Variants in BABAM2 observed in about 807,000 individuals in gnomAD.
BABAM2 encodes BRISC and BRCA1 A complex member 2, also known as BRISC and BRCA1-A complex member 2.
BABAM2 carries 31 observed loss-of-function variants against 54.7 expected under a neutral mutation model. That is an observed-to-expected ratio of 0.57 (90% CI 0.43 to 0.77). The LOEUF (loss-of-function observed/expected upper bound fraction) is 0.77, where lower values mean the gene tolerates loss of function less well. Among genes scored for constraint, BABAM2 ranks in the 30% least tolerant of loss-of-function variants. The pLI, the probability that BABAM2 is intolerant of heterozygous loss-of-function variation, is 0.00. For synonymous variants in BABAM2, 167 were observed against 162.9 expected (o/e 1.03, Z -0.19); for missense variants, 364 against 455.8 (o/e 0.80, Z 1.83).
chr2:28,207,803 A>T (rs1436534577), intron 7 of BABAM2, among the ~76,000 whole-genome samples: 2 of 152,288 alleles, frequency 1.3e-5, no homozygotes, highest in East Asian at 3.9e-4. Flanking sequence ...ATCAGATCTA[A>T]TCTCACTTCT....
chr2:28,192,275 C>G (rs1405822959), intron 7 of BABAM2, among the ~76,000 whole-genome samples: 5 of 152,056 alleles, frequency 3.3e-5, no homozygotes, highest in Admixed American at 3.3e-4. Flanking sequence ...ACCTCGTGAT[C>G]TGCCTGCCTC....
chr2:27,989,048 T>C (rs1471831757), intron 4 of BABAM2, among the ~76,000 whole-genome samples: 2 of 152,140 alleles, frequency 1.3e-5, no homozygotes, highest in East Asian at 3.8e-4. Context: ...GTAAAAATAT[T>C]GTTGGCAAGA....
At chr2:27,972,346 A>G (rs1573298705) in intron 3 of BABAM2, among the ~76,000 whole-genome samples, 2 of 152,340 alleles carry the variant, frequency 1.3e-5, no homozygotes, top group South Asian at 4.1e-4. Flanking sequence ...TTTCTGTTTC[A>G]ATATAAGAAA....
chr2:28,082,872 A>G (rs1445547723), intron 6 of BABAM2, among the ~76,000 whole-genome samples: 1 of 152,154 alleles, frequency 6.6e-6, no homozygotes, highest in Non-Finnish European at 1.5e-5. Flanking sequence ...TTCTCCTGAT[A>G]TACTGTGAAA....
intron 6 of BABAM2, among the ~76,000 whole-genome samples, chr2:28,108,391 C>G (rs1416609042): frequency 1.3e-5 from 2 of 152,192 alleles, no homozygotes; most frequent in African/African-American, 4.8e-5. Flanking sequence ...CTTTCATCAT[C>G]ATTTATGCAT....
In BABAM2 at chr2:28,325,605, G is replaced by C. The variant is rs1211750446; in HGVS notation, c.1089-12845G>C. ...AGTAGTTTCTTCTTTGGGAATTGCT[G>C]CTTTTCTGTCTGAAAGCCCAGAGAG... On this transcript the variant is annotated intron_variant, in intron 11 of 11. Transcript: ENST00000379624. The surrounding 1 kb of genome is among the most constrained non-coding windows in gnomAD (Gnocchi z 4.3). Among the ~76,000 whole-genome samples, 1 of 152,206 alleles carries C rather than the reference G, an allele frequency of 6.6e-6. No homozygotes were observed. Among genetic ancestry groups the C allele is most frequent in the Non-Finnish European group, 1.5e-5 (1 of 68,032 alleles).
rs114361307 is a variant in BABAM2, at chr2:28,297,440, G to A, written c.935-898G>A. Reference sequence around the variant, plus strand: ...GTGGATAACATTCATACACATATACGTTATATACCTTTAAGAATGTGTTAT... The same window carrying A: ...GTGGATAACATTCATACACATATACATTATATACCTTTAAGAATGTGTTAT... On this transcript the variant is annotated intron_variant, in intron 10 of 11. Coordinates refer to ENST00000379624, the MANE Select transcript of BABAM2 (RefSeq NM_199191.3). 2.0e-3 allele frequency among the ~76,000 whole-genome samples: 309 copies of A among 152,114 alleles called. 2 individuals carry two copies. The highest frequency in any genetic ancestry group is 7.1e-3 in the African/African-American group (294 of 41,472).
chr2:28,136,247 A>G (rs1573656223), intron 7 of BABAM2, among the ~76,000 whole-genome samples: 1 of 151,696 alleles, frequency 6.6e-6, no homozygotes, highest in African/African-American at 2.4e-5. Flanking sequence ...CTCAATCATC[A>G]CCTCCTCCAT....
chr2:27,975,378 A>G (rs1671516987), intron 3 of BABAM2, among the ~76,000 whole-genome samples: 2 of 152,094 alleles, frequency 1.3e-5, no homozygotes, highest in Non-Finnish European at 2.9e-5. Context: ...ATATTGGCAA[A>G]AGAAGAGCCA....
At chr2:28,271,117 A>G (rs1685390973) in intron 10 of BABAM2, among the ~76,000 whole-genome samples, 1 of 152,216 alleles carries the variant, frequency 6.6e-6, no homozygotes, top group Non-Finnish European at 1.5e-5. Flanking sequence ...GCACATAGCT[A>G]GCTCTCAGTG....
chr2:28,126,095 C>T (rs567334225), intron 6 of BABAM2, among the ~76,000 whole-genome samples: 1 of 152,042 alleles, frequency 6.6e-6, no homozygotes, highest in East Asian at 1.9e-4. Flanking sequence ...TATGGTTTGA[C>T]TTGTTAAGAC....
intron 2 of BABAM2, among the ~76,000 whole-genome samples, chr2:27,899,826 A>G (rs1665643843): frequency 6.6e-6 from 1 of 152,206 alleles, no homozygotes; most frequent in East Asian, 1.9e-4. Context: ...ATTTAATGAC[A>G]TTTAATATGT....
Position 28,286,597 on chromosome 2 carries a change from C to T in BABAM2, c.935-11741C>T, listed in dbSNP as rs191289049. ...CTGGATTCTCTTGCTTCTCTCCCTC[C>T]CTTCCCAGTCATAGTCCTCCCACTG... On this transcript the variant is annotated intron_variant, in intron 10 of 11. Coordinates refer to ENST00000379624, the MANE Select transcript of BABAM2 (RefSeq NM_199191.3). 1.8e-4 allele frequency among the ~76,000 whole-genome samples: 27 copies of T among 152,282 alleles called. No individual in the cohort carries two copies. The East Asian group carries it at 5.0e-3, about 28-fold the overall frequency.
intron 5 of BABAM2, among the ~76,000 whole-genome samples, chr2:28,042,932 G>A (rs1677228710): frequency 6.6e-6 from 1 of 151,788 alleles, no homozygotes; most frequent in African/African-American, 2.4e-5. Context: ...GCTGAGGCAG[G>A]AGAATGGCGT....
chr2:28,177,436 A>G (rs562099026), intron 7 of BABAM2, among the ~76,000 whole-genome samples: 1 of 150,002 alleles, frequency 6.7e-6, no homozygotes, highest in Non-Finnish European at 1.5e-5. Context: ...TGAAAGGACA[A>G]TATCTATCAT....
At chr2:28,151,739 G>C (rs1273507280) in intron 7 of BABAM2, among the ~76,000 whole-genome samples, 1 of 152,108 alleles carries the variant, frequency 6.6e-6, no homozygotes, top group East Asian at 1.9e-4. Context: ...GATAACATTT[G>C]GTCCCTTTCT....
At chr2:27,944,856 T>C (rs1404308077) in intron 3 of BABAM2, among the ~76,000 whole-genome samples, 2 of 152,236 alleles carry the variant, frequency 1.3e-5, no homozygotes, top group Non-Finnish European at 2.9e-5. Context: ...TATGAGGTTC[T>C]AGTTCTTTTA....
At chr2:28,148,615 A>G (rs1200067147) in intron 7 of BABAM2, among the ~76,000 whole-genome samples, 1 of 152,142 alleles carries the variant, frequency 6.6e-6, no homozygotes, top group African/African-American at 2.4e-5. Flanking sequence ...GCTAGCAGTG[A>G]TCTAGCTGCA....
chr2:28,213,184 G>C (rs1038795675), intron 7 of BABAM2, among the ~76,000 whole-genome samples: 1 of 151,822 alleles, frequency 6.6e-6, no homozygotes, highest in Non-Finnish European at 1.5e-5. Context: ...CCCAGATCAT[G>C]CTACTGGACT....
Sources: allele counts gnomAD v4.1 joint callset (sites outside exome capture counted in the v4.1 genomes callset), GRCh38; gene constraint gnomAD v4.1.1; non-coding constraint Gnocchi (gnomAD v3.1); transcripts MANE v1.5; gene names NCBI Gene and HGNC (gene_info 2026-07-23, HGNC 2026-07-21).